The following ODAD4 variants were observed in gnomAD, a reference collection of about 807,000 sequenced individuals.
The protein encoded by ODAD4 is outer dynein arm docking complex subunit 4.
In ODAD4, 49 loss-of-function variants were observed where a neutral mutation model predicts 51.8. The ratio of observed to expected loss-of-function variants is 0.95; its 90% CI spans 0.75 to 1.20. ODAD4 has a LOEUF of 1.20. Ranked by LOEUF, ODAD4 falls within the 50% of genes most tolerant of loss-of-function variation. ODAD4 has a pLI of 0.00. For synonymous variants in ODAD4, 235 were observed against 221.3 expected (o/e 1.06, Z -0.55); for missense variants, 590 against 586.5 (o/e 1.01, Z -0.06).
At chr17:41,947,899 G>A (rs981845685) in intron 8 of ODAD4, among the ~76,000 whole-genome samples, 62 of 151,910 alleles carry the variant, frequency 4.1e-4, no homozygotes, top group Middle Eastern at 6.4e-3. Flanking sequence ...GCGGGTGATC[G>A]CCTGAGGTCG....
At position 41,935,616 on chromosome 17, in the gene ODAD4, T is replaced by G. The variant is rs781974903; in HGVS notation, c.264T>G (p.Ala88=). Residue 88 remains alanine, a synonymous_variant, in exon 3 of 12, where the codon GCT becomes GCG. Coordinates refer to ENST00000377540, the MANE Select transcript of ODAD4 (RefSeq NM_031421.5). Reference sequence around the variant, plus strand: ...CATTCCAGGGGATTTTGCAAAAGGCTGAGACACTGTACACCATGGGAGACT... The same window carrying G: ...CATTCCAGGGGATTTTGCAAAAGGCGGAGACACTGTACACCATGGGAGACT... The part of the protein sequence containing the change: ...PAFCKGILQK[A]ETLYTMGDFE... 1.2e-6 allele frequency: 2 copies of G among 1,612,786 alleles called. No individual in the cohort carries two copies. The highest frequency in any genetic ancestry group is 1.7e-6 in the Non-Finnish European group (2 of 1,179,318).
At chr17:41,946,344 G>A (rs1278760410) in intron 8 of ODAD4, among the ~76,000 whole-genome samples, 2 of 152,134 alleles carry the variant, frequency 1.3e-5, no homozygotes, top group Non-Finnish European at 2.9e-5. Context: ...TGTTTGTTTT[G>A]AGACGGAGTC....
chr17:41,965,560 C>T lies in ODAD4; in HGVS notation c.*77C>T, dbSNP rs1310225558. 4 of 674,702 alleles carry T rather than the reference C, an allele frequency of 5.9e-6. No individual in the cohort carries two copies. The Admixed American group carries it at 7.4e-5, about 13-fold the overall frequency. The allele number at this position is 674,702 out of a possible 1,614,324, so 41.8% of individuals were successfully genotyped here. ...GATTTTATTAAACTGGATTTTCAAG[C>T]GATTTGTCTGTTATAGGAAAAATGA... On this transcript the variant is annotated 3_prime_UTR_variant, in exon 12 of 12. Transcript: ENST00000377540.
chr17:41,933,087 G>A (rs1215674384), intron 1 of ODAD4, among the ~76,000 whole-genome samples: 1 of 151,966 alleles, frequency 6.6e-6, no homozygotes, highest in Non-Finnish European at 1.5e-5. Flanking sequence ...AATTGAGTTC[G>A]GTAGCCCTGT....
At chr17:41,939,889 C>T (rs1340617059) in intron 7 of ODAD4, among the ~76,000 whole-genome samples, 2 of 152,164 alleles carry the variant, frequency 1.3e-5, no homozygotes, top group African/African-American at 2.4e-5. Context: ...GCCACTTTAG[C>T]TCCCTCAGCC....
chr17:41,952,118 C>T (rs1449347804), intron 9 of ODAD4, among the ~76,000 whole-genome samples: 2 of 151,816 alleles, frequency 1.3e-5, no homozygotes, highest in African/African-American at 4.8e-5. Flanking sequence ...CCTGTAATCC[C>T]TGCACTTTGG....
Position 41,938,545 on chromosome 17 carries a change from C to A in ODAD4, c.626-12C>A. 1.2e-6 allele frequency: 2 copies of A among 1,611,944 alleles called. No individual in the cohort carries two copies. The highest frequency in any genetic ancestry group is 2.2e-5 in the East Asian group (1 of 44,866). ...GTTCTCCTTGGCGCCTCCTCACACC[C>A]CTTCCCCACAGACCTGATCAAAGGC... On this transcript the variant is annotated splice_polypyrimidine_tract_variant and intron_variant, in intron 5 of 11. Coordinates refer to ENST00000377540, the MANE Select transcript of ODAD4 (RefSeq NM_031421.5).
At position 41,933,380 on chromosome 17, in the gene ODAD4, G is replaced by A. The variant is rs11651101; in HGVS notation, c.115-1837G>A. On this transcript the variant is annotated intron_variant, in intron 1 of 11. Coordinates refer to ENST00000377540, the MANE Select transcript of ODAD4 (RefSeq NM_031421.5). ...AAAAAAAAAAAAAAGACCAGGTCAG[G>A]TGGCTCATGCCTGTAATCCCAGCAC... Among the ~76,000 whole-genome samples, 243 of 151,802 alleles carry A rather than the reference G, an allele frequency of 1.6e-3. 2 individuals carry two copies. The highest frequency in any genetic ancestry group is 1.2e-3 in the Non-Finnish European group (83 of 67,944).
chr17:41,955,670 C>T (rs556485149), intron 10 of ODAD4, among the ~76,000 whole-genome samples: 34 of 152,256 alleles, frequency 2.2e-4, no homozygotes, highest in African/African-American at 6.0e-4. Flanking sequence ...GTGATCCGCC[C>T]GCCTTGGCCT....
chr17:41,934,132 C>G (rs1166173492), intron 1 of ODAD4, among the ~76,000 whole-genome samples: 1 of 137,234 alleles, frequency 7.3e-6, no homozygotes, highest in African/African-American at 2.7e-5. Flanking sequence ...ACCTCTGCCT[C>G]CCAGGTTCAA....
At chr17:41,930,881 C>CTTTT (rs782820445) in intron 1 of ODAD4, 44 bp downstream of exon 1, 3,337 of 96,984 alleles carry the variant, frequency 0.034, 239 homozygotes, top group South Asian at 0.062. Flanking sequence ...TCACCCGTCA[C>CTTTT]TTTTTTTTTT....
intron 3 of ODAD4, among the ~76,000 whole-genome samples, chr17:41,936,272 G>T (rs1555637778): frequency 6.6e-6 from 1 of 152,192 alleles, no homozygotes; most frequent in Non-Finnish European, 1.5e-5. Context: ...GGCTGCCATA[G>T]CCTTGGGCTA....
At chr17:41,955,356 T>A (rs782279082) in intron 10 of ODAD4, 39 bp downstream of exon 10, 9 of 743,220 alleles carry the variant, frequency 1.2e-5, no homozygotes. Context: ...GTGTCAGGAG[T>A]GGGGTTGGGT....
At chr17:41,938,490 G>C (rs782776903) in intron 5 of ODAD4, 67 bp from the exon 6 acceptor site, 45 of 1,366,472 alleles carry the variant, frequency 3.3e-5, no homozygotes, top group Non-Finnish European at 4.6e-5. Context: ...GCCACCGGGA[G>C]GAAACAGGAG....
chr17:41,960,277 G>A (rs1478861298), intron 10 of ODAD4, among the ~76,000 whole-genome samples: 3 of 152,124 alleles, frequency 2.0e-5, no homozygotes, highest in Non-Finnish European at 4.4e-5. Flanking sequence ...AGACCAGCCT[G>A]GGCATCATAG....
chr17:41,939,377 G>T (rs140971301), intron 7 of ODAD4, among the ~76,000 whole-genome samples: 2 of 152,320 alleles, frequency 1.3e-5, no homozygotes, highest in African/African-American at 4.8e-5. Context: ...CACCAAAAGG[G>T]TAGTGGCTCA....
intron 3 of ODAD4, 30 bp from the exon 4 acceptor site, chr17:41,936,443 C>T (rs376657049): frequency 5.9e-5 from 93 of 1,581,408 alleles, no homozygotes; most frequent in African/African-American, 5.2e-4. Flanking sequence ...GGGGTCTGGC[C>T]GACCTGAGCT....
intron 7 of ODAD4, among the ~76,000 whole-genome samples, chr17:41,944,444 A>ACACACCCC (rs1191101800): frequency 1.4e-3 from 27 of 19,532 alleles, no homozygotes; most frequent in Non-Finnish European, 1.6e-3. Context: ...ACACACACAC[A>ACACACCCC]CCCCCCCGCA....
intron 10 of ODAD4, among the ~76,000 whole-genome samples, chr17:41,960,843 C>T (rs1319080997): frequency 1.3e-5 from 2 of 152,170 alleles, no homozygotes; most frequent in African/African-American, 4.8e-5. Flanking sequence ...GTGCCAGCCA[C>T]GGGCCTGCTA....
Sources: gnomAD v4.1 joint callset for allele counts (sites outside exome capture counted in the v4.1 genomes callset) on GRCh38, gnomAD v4.1.1 for gene constraint, MANE v1.5 for transcripts, NCBI Gene and HGNC (gene_info 2026-07-23, HGNC 2026-07-21) for gene names.